Variants in CATSPERQ observed in about 807,000 individuals in gnomAD.
CATSPERQ encodes cation channel sperm-associated auxiliary subunit theta.
chr8:144,353,646 C>T, the CATSPERQ span: 27 of 1,458,498 alleles, frequency 1.9e-5, no homozygotes, highest in African/African-American at 3.8e-4. Context: ...CCGGCGCCCT[C>T]TCCACGGCCC....
chr8:144,354,398 C>T, the CATSPERQ span: 3 of 1,487,540 alleles, frequency 2.0e-6, no homozygotes, highest in Non-Finnish European at 2.7e-6. This position sits in a 1 kb window ranked among gnomAD's most constrained non-coding sequence, Gnocchi z 4.6. Flanking sequence ...GGTGCCAAGG[C>T]TTGGCCCGGA....
chr8:144,354,568 C>CCCCCCCT, the CATSPERQ span: 3 of 734,754 alleles, frequency 4.1e-6, no homozygotes, highest in Non-Finnish European at 6.3e-6. This position sits in a 1 kb window ranked among gnomAD's most constrained non-coding sequence, Gnocchi z 4.6. Flanking sequence ...TCCCCCGCCC[C>CCCCCCCT]GCCCTTCCCA....
chr8:144,354,382 G>T, the CATSPERQ span: 2 of 1,509,002 alleles, frequency 1.3e-6, no homozygotes, highest in African/African-American at 2.8e-5. The surrounding 1 kb of genome is among the most constrained non-coding windows in gnomAD (Gnocchi z 4.6). Flanking sequence ...CGCAGCCGGG[G>T]GTGGCGGTGC....
the CATSPERQ span, chr8:144,354,611 G>T: frequency 7.3e-7 from 1 of 1,370,670 alleles, no homozygotes. This position sits in a 1 kb window ranked among gnomAD's most constrained non-coding sequence, Gnocchi z 4.6. Context: ...CCAGCCTCGC[G>T]CGCACCGTTT....
chr8:144,353,474 G>C, the CATSPERQ span: 2 of 1,535,918 alleles, frequency 1.3e-6, no homozygotes, highest in Non-Finnish European at 1.7e-6. Context: ...CCAGGTAGTC[G>C]AAGTAGTTGA....
the CATSPERQ span, chr8:144,353,732 G>C: frequency 2.0e-6 from 3 of 1,529,760 alleles, no homozygotes; most frequent in South Asian, 3.6e-5. Context: ...AACAGTGATC[G>C]GTGTCATCGT....
chr8:144,354,574 T>TGAC, the CATSPERQ span: 2 of 322,968 alleles, frequency 6.2e-6, no homozygotes, highest in Non-Finnish European at 1.1e-5. The surrounding 1 kb of genome is among the most constrained non-coding windows in gnomAD (Gnocchi z 4.6). Flanking sequence ...GCCCCGCCCT[T>TGAC]CCCAGCCCCG....
the CATSPERQ span, chr8:144,353,673 T>G: frequency 6.8e-7 from 1 of 1,469,602 alleles, no homozygotes; most frequent in Non-Finnish European, 9.1e-7. Context: ...CCGAAGACCG[T>G]GTTGTATTTA....
chr8:144,353,664 C>A, the CATSPERQ span: 15 of 1,467,102 alleles, frequency 1.0e-5, no homozygotes, highest in Non-Finnish European at 1.0e-5. Flanking sequence ...CCCCCAGCAC[C>A]GAAGACCGTG....
chr8:144,353,543 G>A, the CATSPERQ span: 1 of 1,527,686 alleles, frequency 6.5e-7, no homozygotes, highest in Middle Eastern at 1.7e-4. Context: ...GGAGCAGGTG[G>A]CGCTCAACTG....
the CATSPERQ span, chr8:144,354,185 G>T: frequency 1.9e-6 from 3 of 1,542,108 alleles, no homozygotes; most frequent in Non-Finnish European, 8.7e-7. The surrounding 1 kb of genome is among the most constrained non-coding windows in gnomAD (Gnocchi z 4.6). Flanking sequence ...AGCGGCGCGG[G>T]GCCGGCCCTC....
the CATSPERQ span, chr8:144,354,305 T>C: frequency 2.6e-6 from 4 of 1,533,878 alleles, no homozygotes; most frequent in Non-Finnish European, 3.5e-6. This position sits in a 1 kb window ranked among gnomAD's most constrained non-coding sequence, Gnocchi z 4.6. Context: ...TTCCACAGTG[T>C]GTCCAGGTAG....
the CATSPERQ span, chr8:144,354,707 A>G: frequency 1.3e-6 from 2 of 1,535,570 alleles, no homozygotes; most frequent in Non-Finnish European, 1.7e-6. This position sits in a 1 kb window ranked among gnomAD's most constrained non-coding sequence, Gnocchi z 4.6. Flanking sequence ...CCTAGGAACC[A>G]GAGCTGGAAG....
the CATSPERQ span, chr8:144,354,578 A>AAACCCC: frequency 2.3e-5 from 5 of 221,158 alleles, no homozygotes; most frequent in East Asian, 1.2e-4. This position sits in a 1 kb window ranked among gnomAD's most constrained non-coding sequence, Gnocchi z 4.6. Flanking sequence ...CGCCCTTCCC[A>AAACCCC]GCCCCGCCCC....
the CATSPERQ span, chr8:144,353,474 G>A: frequency 3.3e-6 from 5 of 1,535,800 alleles, no homozygotes; most frequent in South Asian, 1.2e-5. Context: ...CCAGGTAGTC[G>A]AAGTAGTTGA....
chr8:144,353,358 A>T, the CATSPERQ span: 14 of 1,533,376 alleles, frequency 9.1e-6, no homozygotes, highest in African/African-American at 1.4e-5. Flanking sequence ...TCACACCTCC[A>T]GGCTGGACTG....
At chr8:144,353,363 G>A in the CATSPERQ span, 1 of 1,534,258 alleles carries the variant, frequency 6.5e-7, no homozygotes. Context: ...CCTCCAGGCT[G>A]GACTGAGAGG....
At chr8:144,354,097 AG>A in the CATSPERQ span, 1 of 1,535,320 alleles carries the variant, frequency 6.5e-7, no homozygotes, top group Non-Finnish European at 8.7e-7. The surrounding 1 kb of genome is among the most constrained non-coding windows in gnomAD (Gnocchi z 4.6). Context: ...CACGAGCCAC[AG>A]GCCCACGCCC....
chr8:144,354,834 A>C, the CATSPERQ span: 1 of 1,498,202 alleles, frequency 6.7e-7, no homozygotes, highest in South Asian at 1.2e-5. The surrounding 1 kb of genome is among the most constrained non-coding windows in gnomAD (Gnocchi z 4.6). Context: ...CCACAGCGGC[A>C]CTCCTACCTC....
Sources: allele counts gnomAD v4.1 joint callset, GRCh38; gene constraint gnomAD v4.1.1; non-coding constraint Gnocchi (gnomAD v3.1); transcripts MANE v1.5; gene names NCBI Gene and HGNC (gene_info 2026-07-23, HGNC 2026-07-21).